The following NTF3 variants were observed in gnomAD, a reference collection of about 807,000 sequenced individuals.
NTF3 encodes neurotrophin 3.
A neutral mutation model predicts 26.3 loss-of-function variants in NTF3; 8 were observed. The ratio of observed to expected loss-of-function variants is 0.30; its 90% confidence interval spans 0.18 to 0.55. The LOEUF (loss-of-function observed/expected upper bound fraction) is 0.55, where lower values mean the gene tolerates loss of function less well. Among genes scored for constraint, NTF3 ranks in the 20% least tolerant of loss-of-function variants. The pLI, the probability that NTF3 is intolerant of heterozygous loss-of-function variation, is 0.93. For synonymous variants in NTF3, 154 were observed against 145.5 expected (o/e 1.06, Z -0.42); for missense variants, 276 against 352.9 (o/e 0.78, Z 1.75).
intron 1 of NTF3, among the ~76,000 whole-genome samples, chr12:5,480,737 CG>C (rs956867341): frequency 2.9e-5 from 4 of 139,280 alleles, no homozygotes; most frequent in African/African-American, 1.1e-4. Context: ...CGTTTCATGC[CG>C]AGAGTGACCG....
In NTF3 at chr12:5,456,152, G is replaced by T. The variant is rs1382685625; in HGVS notation, c.18+23810G>T. 6.6e-6 allele frequency among the ~76,000 whole-genome samples: 1 copy of T among 152,152 alleles called. No individual in the cohort carries two copies. Among genetic ancestry groups the T allele is most frequent in the Admixed American group, 6.5e-5 (1 of 15,274 alleles). On this transcript the variant is annotated intron_variant, in intron 1 of 1. Transcript: ENST00000423158. The surrounding 1 kb of genome is among the most constrained non-coding windows in gnomAD (Gnocchi z 4.4). ...CCTTAGCAGGAGCACTGGTCACTTG[G>T]GCTGGGATGGTTCTTAGTGGTACAG... is the stretch of plus-strand genomic sequence containing the variant.
chr12:5,466,114 G>T (rs759106455), intron 1 of NTF3, among the ~76,000 whole-genome samples: 1 of 152,188 alleles, frequency 6.6e-6, no homozygotes, highest in African/African-American at 2.4e-5. Flanking sequence ...TGGAAGGGAC[G>T]TGTGGGCGTC....
chr12:5,466,330 G>A (rs1053069674), intron 1 of NTF3, among the ~76,000 whole-genome samples: 1 of 152,178 alleles, frequency 6.6e-6, no homozygotes, highest in Non-Finnish European at 1.5e-5. Flanking sequence ...TTCTGCTTAC[G>A]TGCTGTTTCC....
chr12:5,446,810 G>A (rs771574847), intron 1 of NTF3, among the ~76,000 whole-genome samples: 9 of 152,138 alleles, frequency 5.9e-5, no homozygotes, highest in African/African-American at 9.7e-5. Flanking sequence ...TGCATGCTTC[G>A]GTAAGAGCTT....
chr12:5,450,814 T>C (rs564002278), intron 1 of NTF3, among the ~76,000 whole-genome samples: 1 of 152,374 alleles, frequency 6.6e-6, no homozygotes, highest in South Asian at 2.1e-4. Context: ...GATCTGATTT[T>C]TCTATTATAA....
intron 1 of NTF3, among the ~76,000 whole-genome samples, chr12:5,459,261 C>T (rs1015968877): frequency 2.0e-5 from 3 of 152,178 alleles, no homozygotes; most frequent in African/African-American, 7.2e-5. Context: ...CACACCCTTC[C>T]TCCTTGACCC....
chr12:5,460,870 T>C (rs553992830), intron 1 of NTF3, among the ~76,000 whole-genome samples: 13 of 152,338 alleles, frequency 8.5e-5, no homozygotes, highest in African/African-American at 3.1e-4. Context: ...TCCTTTTTTC[T>C]TTGAACATCT....
intron 1 of NTF3, among the ~76,000 whole-genome samples, chr12:5,483,732 C>T (rs1858359079): frequency 6.6e-6 from 1 of 152,140 alleles, no homozygotes; most frequent in Non-Finnish European, 1.5e-5. Context: ...TGAGGAATCG[C>T]ATTTGCGTTT....
rs1940992601 is a variant in NTF3, at chr12:5,495,109, A to C, written c.*121A>C. ...GACCTTTATTTATTAAACTTCAGCA[A>C]CCCTACAGTATATAAGCTTTTTTCT... On this transcript the variant is annotated 3_prime_UTR_variant, in exon 2 of 2. Coordinates refer to ENST00000423158, the MANE Select transcript of NTF3 (RefSeq NM_001102654.2). 2 of 1,071,478 alleles carry C rather than the reference A, an allele frequency of 1.9e-6. No homozygotes were observed. Among genetic ancestry groups the C allele is most frequent in the South Asian group, 3.4e-5 (2 of 59,698 alleles). 66.4% of individuals were successfully genotyped at this position (1,071,478 alleles called of 1,614,324 possible). A position where few individuals can be genotyped will look rare whatever the true frequency, so the allele number is the denominator to read the frequency against.
chr12:5,474,126 A>T (rs1940695973), intron 1 of NTF3, among the ~76,000 whole-genome samples: 1 of 152,238 alleles, frequency 6.6e-6, no homozygotes, highest in South Asian at 2.1e-4. Context: ...GCAGGACAAA[A>T]GCATATTTCA....
chr12:5,473,311 T>C (rs1344639287), intron 1 of NTF3, among the ~76,000 whole-genome samples: 2 of 152,202 alleles, frequency 1.3e-5, no homozygotes, highest in East Asian at 1.9e-4. Context: ...AGCAAGGAAA[T>C]GTGGGCCCTG....
Position 5,485,708 on chromosome 12 carries a change from C to G in NTF3, c.19-8486C>G, listed in dbSNP as rs530487231. 3.3e-5 allele frequency among the ~76,000 whole-genome samples: 5 copies of G among 152,310 alleles called. No homozygotes were observed. In the South Asian group the frequency reaches 1.0e-3, roughly 32 times the overall value. ...ACAAGCTCTGGGTTGGTTTTTCAGTCTTGCCCAGCTGCCCAGAGTCACTAG... is the reference window on the plus strand; with the variant it reads ...ACAAGCTCTGGGTTGGTTTTTCAGTGTTGCCCAGCTGCCCAGAGTCACTAG... On this transcript the variant is annotated intron_variant, in intron 1 of 1. Transcript: ENST00000423158.
In NTF3 at chr12:5,440,120, G is replaced by T. The variant is rs1425800025; in HGVS notation, c.18+7778G>T. Among the ~76,000 whole-genome samples the T allele has an allele frequency of 3.3e-5, 5 of 152,288 alleles. No individual in the cohort carries two copies. The East Asian group carries it at 9.7e-4, about 29-fold the overall frequency. On this transcript the variant is annotated intron_variant, in intron 1 of 1. Coordinates refer to ENST00000423158, the MANE Select transcript of NTF3 (RefSeq NM_001102654.2). ...AAGGCTCATTCCTTCTTCCTCCACT[G>T]ATTTCCTCACCATCACTACCACATA...
At chr12:5,477,559 A>G (rs1375639510) in intron 1 of NTF3, among the ~76,000 whole-genome samples, 1 of 152,224 alleles carries the variant, frequency 6.6e-6, no homozygotes. Context: ...GAACTACAGG[A>G]TCTGCGTCAT....
chr12:5,468,039 T>C (rs1940614892), intron 1 of NTF3, among the ~76,000 whole-genome samples: 1 of 152,160 alleles, frequency 6.6e-6, no homozygotes, highest in South Asian at 2.1e-4. Context: ...TGAGGGAATA[T>C]TTTGGTCCTG....
chr12:5,484,790 T>A (rs556833548), intron 1 of NTF3, among the ~76,000 whole-genome samples: 1 of 152,328 alleles, frequency 6.6e-6, no homozygotes, highest in South Asian at 2.1e-4. Flanking sequence ...AAAACTGTCC[T>A]GTTTGAAATC....
intron 1 of NTF3, among the ~76,000 whole-genome samples, chr12:5,447,132 A>G (rs1023756085): frequency 2.6e-4 from 39 of 152,314 alleles, no homozygotes; most frequent in African/African-American, 9.1e-4. Flanking sequence ...ACCTGCCACC[A>G]TCACCCCATC....
chr12:5,466,840 C>G (rs1454140951), intron 1 of NTF3, among the ~76,000 whole-genome samples: 2 of 152,132 alleles, frequency 1.3e-5, no homozygotes, highest in Non-Finnish European at 2.9e-5. Flanking sequence ...CAAATCTGAA[C>G]TCTGTGTACT....
At chr12:5,480,035 T>A (rs1292537728) in intron 1 of NTF3, among the ~76,000 whole-genome samples, 1 of 152,174 alleles carries the variant, frequency 6.6e-6, no homozygotes. Flanking sequence ...CTATAAGTAG[T>A]TCTCAGGCTC....
Sources: allele counts gnomAD v4.1 joint callset (sites outside exome capture counted in the v4.1 genomes callset), GRCh38; gene constraint gnomAD v4.1.1; non-coding constraint Gnocchi (gnomAD v3.1); transcripts MANE v1.5; gene names NCBI Gene and HGNC (gene_info 2026-07-23, HGNC 2026-07-21).